Variants in KLHDC1 observed in about 807,000 individuals in gnomAD.
The protein encoded by KLHDC1 is kelch domain containing 1, also known as kelch domain-containing protein 1.
Under a neutral mutation model 68.3 loss-of-function variants are expected in KLHDC1, and 53 were observed. That is an observed-to-expected ratio of 0.78 (90% CI 0.62 to 0.98). The LOEUF (loss-of-function observed/expected upper bound fraction) is 0.98, where lower values mean the gene tolerates loss of function less well. Among genes scored for constraint, KLHDC1 ranks in the 50% least tolerant of loss-of-function variants. The pLI, the probability that KLHDC1 is intolerant of heterozygous loss-of-function variation, is 0.00. For missense variants in KLHDC1, 470 were observed against 492.3 expected (o/e 0.95, Z 0.43); for synonymous variants, 148 against 159.0 (o/e 0.93, Z 0.52).
rs770384211 is a variant in KLHDC1, at chr14:49,693,240, C to T, written c.46C>T (p.His16Tyr). The change falls in exon 1 of 13, where the codon CAC becomes TAC. Residue 16 changes from histidine to tyrosine, a missense_variant. His to Tyr is a moderately conservative substitution (Grantham distance 83). Coordinates refer to ENST00000359332, the MANE Select transcript of KLHDC1 (RefSeq NM_172193.3). ...LFCVAEERSG[H>Y]CAVVDGNFLY... ...CTGTGTGGCGGAGGAACGCAGCGGC[C>T]ACTGCGCCGTGGTGGACGGAAACTT... 6 of 1,573,470 alleles carry T rather than the reference C, an allele frequency of 3.8e-6. No homozygotes were observed. The East Asian group carries it at 1.3e-4, about 34-fold the overall frequency.
chr14:49,733,430 C>CTTTT (rs763516095), intron 9 of KLHDC1, among the ~76,000 whole-genome samples: 1 of 138,710 alleles, frequency 7.2e-6, no homozygotes, highest in African/African-American at 2.6e-5. Context: ...ATTTTCTTTT[C>CTTTT]TTTTTTTTTT....
At chr14:49,716,270 T>C (rs993803875) in intron 4 of KLHDC1, among the ~76,000 whole-genome samples, 1 of 152,176 alleles carries the variant, frequency 6.6e-6, no homozygotes, top group Non-Finnish European at 1.5e-5. Flanking sequence ...AAAGTATTTT[T>C]GGACCTTTAA....
intron 4 of KLHDC1, among the ~76,000 whole-genome samples, chr14:49,713,120 T>A (rs1888252265): frequency 1.3e-5 from 2 of 151,506 alleles, no homozygotes; most frequent in African/African-American, 4.9e-5. Flanking sequence ...CGGGTAATTT[T>A]TTTTTTTGTA....
chr14:49,707,538 G>A (rs1888087396), intron 1 of KLHDC1: 1 of 151,676 alleles, frequency 6.6e-6, no homozygotes, highest in South Asian at 2.1e-4. Context: ...AGTAGAGACG[G>A]GGTTTCACCA....
intron 12 of KLHDC1, among the ~76,000 whole-genome samples, chr14:49,748,796 T>G (rs576481704): frequency 4.6e-5 from 7 of 150,870 alleles, no homozygotes; most frequent in Admixed American, 1.3e-4. Context: ...TGAGAGAAAT[T>G]TTTTTTCTTT....
rs1489926543 is a variant in KLHDC1 at position 49,693,283 on chromosome 14, G to A, written c.89G>A (p.Gly30Asp). Residue 30 changes from glycine (G) to aspartate (D), a missense_variant, in exon 1 of 13, where the codon GGC (glycine) becomes GAC (aspartate). Gly to Asp is a moderately conservative substitution (Grantham distance 94). Coordinates refer to ENST00000359332, the MANE Select transcript of KLHDC1 (RefSeq NM_172193.3). ...VDGNFLYVWG[G>D]YVSIEDNEVY... Reference sequence around the variant, plus strand: ...GGAAACTTCCTCTACGTGTGGGGGGGCTACGTGGTAAGGGGAAGAGGCGGG... The same window carrying A: ...GGAAACTTCCTCTACGTGTGGGGGGACTACGTGGTAAGGGGAAGAGGCGGG... 5 of 1,548,772 alleles carry A rather than the reference G, an allele frequency of 3.2e-6. No individual in the cohort carries two copies. The highest frequency in any genetic ancestry group is 4.4e-6 in the Non-Finnish European group (5 of 1,149,072).
At chr14:49,718,127 C>T (rs1266784062) in intron 4 of KLHDC1, among the ~76,000 whole-genome samples, 2 of 152,090 alleles carry the variant, frequency 1.3e-5, no homozygotes, top group African/African-American at 2.4e-5. Context: ...TTCAAGTGAT[C>T]CTTCCACCGC....
chr14:49,723,843 TA>T, intron 4 of KLHDC1, 30 bp from the exon 5 acceptor site: 1 of 1,311,286 alleles, frequency 7.6e-7, no homozygotes, highest in Non-Finnish European at 1.1e-6. Flanking sequence ...ACAGAATTCC[TA>T]AAGTGTGTCA....
In KLHDC1 at chr14:49,698,187, T is replaced by G. The variant is rs574492976; in HGVS notation, c.96+4897T>G. On this transcript the variant is annotated intron_variant, in intron 1 of 12. Coordinates refer to ENST00000359332, the MANE Select transcript of KLHDC1 (RefSeq NM_172193.3). ...AATCTGTAATATATCTGTATAGATT[T>G]CTTTTGAGCCCATAAATGAAAATAT... 2.6e-5 allele frequency among the ~76,000 whole-genome samples: 4 copies of G among 152,356 alleles called. No individual in the cohort carries two copies. In the South Asian group the frequency reaches 6.2e-4, roughly 24 times the overall value.
chr14:49,703,592 C>T (rs574456128), intron 1 of KLHDC1, among the ~76,000 whole-genome samples: 1 of 152,218 alleles, frequency 6.6e-6, no homozygotes, highest in Non-Finnish European at 1.5e-5. Flanking sequence ...ATCCACCCAC[C>T]TCAGCCTCCC....
chr14:49,701,039 G>A (rs1341540434), intron 1 of KLHDC1, among the ~76,000 whole-genome samples: 4 of 151,438 alleles, frequency 2.6e-5, no homozygotes, highest in East Asian at 1.9e-4. Context: ...CCAAGATGGC[G>A]CCATTGCATT....
At chr14:49,710,862 GT>G (rs1566600773) in intron 4 of KLHDC1, among the ~76,000 whole-genome samples, 1 of 151,946 alleles carries the variant, frequency 6.6e-6, no homozygotes, top group South Asian at 2.1e-4. Flanking sequence ...ATTTTTTGTG[GT>G]TTTTCACATT....
intron 1 of KLHDC1, among the ~76,000 whole-genome samples, chr14:49,699,669 T>C (rs1172733078): frequency 1.3e-5 from 2 of 152,204 alleles, no homozygotes; most frequent in Non-Finnish European, 2.9e-5. Flanking sequence ...CTCACCGATA[T>C]CTGTCTAAAT....
At chr14:49,742,476 G>C (rs1889087049) in intron 11 of KLHDC1, among the ~76,000 whole-genome samples, 1 of 151,732 alleles carries the variant, frequency 6.6e-6, no homozygotes, top group Non-Finnish European at 1.5e-5. Flanking sequence ...TTCCAGACTA[G>C]CCTGGCCAAC....
chr14:49,704,563 T>G (rs1444299142), intron 1 of KLHDC1, among the ~76,000 whole-genome samples: 1 of 151,752 alleles, frequency 6.6e-6, no homozygotes, highest in Non-Finnish European at 1.5e-5. Context: ...CCAGCTAATT[T>G]TTTGTATTTT....
intron 12 of KLHDC1, among the ~76,000 whole-genome samples, chr14:49,745,993 A>T (rs1456196826): frequency 5.3e-5 from 8 of 152,204 alleles, no homozygotes; most frequent in Non-Finnish European, 8.8e-5. Context: ...TGGTAAAGAG[A>T]CTATTACAGT....
chr14:49,704,258 CTT>C (rs1051268756), intron 1 of KLHDC1, among the ~76,000 whole-genome samples: 5 of 150,906 alleles, frequency 3.3e-5, no homozygotes, highest in African/African-American at 1.2e-4. Flanking sequence ...TGGCTCATGT[CTT>C]TTGCTCATTT....
intron 10 of KLHDC1, among the ~76,000 whole-genome samples, chr14:49,736,435 T>C (rs1196929600): frequency 6.6e-6 from 1 of 152,146 alleles, no homozygotes; most frequent in Non-Finnish European, 1.5e-5. Context: ...TCTTCGATGA[T>C]GAAATGGCCA....
chr14:49,702,978 A>G (rs1285118625), intron 1 of KLHDC1, among the ~76,000 whole-genome samples: 1 of 152,216 alleles, frequency 6.6e-6, no homozygotes, highest in Non-Finnish European at 1.5e-5. Context: ...TCTTCCTTGC[A>G]TCGACCAGAG....
Sources: gnomAD v4.1 joint callset for allele counts (sites outside exome capture counted in the v4.1 genomes callset) on GRCh38, gnomAD v4.1.1 for gene constraint, MANE v1.5 for transcripts, NCBI Gene and HGNC (gene_info 2026-07-23, HGNC 2026-07-21) for gene names.